The following KIAA0319 variants were observed in gnomAD, a reference collection of about 807,000 sequenced individuals.
KIAA0319 encodes dyslexia-associated protein KIAA0319.
A neutral mutation model predicts 108.4 loss-of-function variants in KIAA0319; 83 were observed. The ratio of observed to expected loss-of-function variants is 0.77; its 90% CI spans 0.64 to 0.92. The LOEUF is 0.92. Among genes scored for constraint, KIAA0319 ranks in the 40% least tolerant of loss-of-function variants. The pLI, the probability that KIAA0319 is intolerant of heterozygous loss-of-function variation, is 0.00. For synonymous variants in KIAA0319, 484 were observed against 510.4 expected (o/e 0.95, Z 0.70); for missense variants, 1,195 against 1,322.4 (o/e 0.90, Z 1.49).
chr6:24,544,031 A>C (rs2127395405), downstream of KIAA0319: 1 of 152,388 alleles, frequency 6.6e-6, no homozygotes, highest in East Asian at 1.9e-4. Flanking sequence ...CTTTGCAGAC[A>C]GTCCCTGTCA....
intron 6 of KIAA0319, 126 bp downstream of exon 6, chr6:24,582,123 G>A: frequency 3.3e-6 from 2 of 597,168 alleles, no homozygotes; most frequent in East Asian, 6.0e-5. Flanking sequence ...TCCAGCCTGG[G>A]CAACAGAGCA....
In KIAA0319 at chr6:24,583,620, C is replaced by A. The variant is rs141996892; in HGVS notation, c.1077G>T (p.Ala359=). ...DNEVELKAFV[A]PAPPVETTYN... is the part of the protein sequence containing the mutation. The stretch of plus-strand genomic sequence containing the variant: ...AACTCTCACCTACAGGTGGCGCTGG[C>A]GCAACAAAGGCCTTCAGTTCAACTT... The change falls in exon 5 of 21, where the codon GCG becomes GCT. Residue 359 remains alanine (A), a synonymous_variant. Transcript: ENST00000378214. 1.2e-6 allele frequency: 2 copies of A among 1,612,796 alleles called. No individual in the cohort carries two copies. Among genetic ancestry groups the A allele is most frequent in the South Asian group, 2.2e-5 (2 of 91,000 alleles).
chr6:24,644,698 C>G (rs1453844364), intron 1 of KIAA0319, among the ~76,000 whole-genome samples: 2 of 151,192 alleles, frequency 1.3e-5, no homozygotes, highest in Admixed American at 6.6e-5. Context: ...ATTTTTAATT[C>G]ATAAAGATTT....
chr6:24,574,944 G>A (rs1269851860), intron 10 of KIAA0319, among the ~76,000 whole-genome samples: 1 of 152,234 alleles, frequency 6.6e-6, no homozygotes, highest in Non-Finnish European at 1.5e-5. Flanking sequence ...GGAAGGGAAT[G>A]TTGTGGCAAA....
chr6:24,553,766 A>G (rs1385511904), intron 19 of KIAA0319, among the ~76,000 whole-genome samples: 2 of 152,176 alleles, frequency 1.3e-5, no homozygotes, highest in Non-Finnish European at 2.9e-5. Flanking sequence ...AGTCTTCATA[A>G]AAGACCCAAG....
At chr6:24,568,256 C>T (rs929032247) in intron 13 of KIAA0319, among the ~76,000 whole-genome samples, 2 of 152,224 alleles carry the variant, frequency 1.3e-5, no homozygotes, top group African/African-American at 4.8e-5. Flanking sequence ...ATTCATTCAA[C>T]ACCTCTGATT....
intron 1 of KIAA0319, among the ~76,000 whole-genome samples, chr6:24,602,750 G>A (rs983464514): frequency 2.4e-4 from 36 of 152,034 alleles, no homozygotes; most frequent in African/African-American, 7.5e-4. Flanking sequence ...GCAGTGAGCC[G>A]AGATCACGCC....
chr6:24,550,998 A>G (rs535634798), intron 20 of KIAA0319, among the ~76,000 whole-genome samples: 5 of 151,808 alleles, frequency 3.3e-5, no homozygotes, highest in Admixed American at 6.6e-5. Context: ...TTCTTTCTTG[A>G]GACAGAGTCT....
chr6:24,592,829 G>A (rs1768724227), intron 3 of KIAA0319, among the ~76,000 whole-genome samples: 1 of 151,948 alleles, frequency 6.6e-6, no homozygotes, highest in Admixed American at 6.6e-5. Flanking sequence ...AAATTAGCCG[G>A]GTGTGGTGGC....
In KIAA0319 at chr6:24,571,196, G is replaced by GAAAA. The variant is rs376462056; in HGVS notation, c.1859-1165_1859-1162dup. Among the ~76,000 whole-genome samples the GAAAA allele has an allele frequency of 2.1e-5, 3 of 140,330 alleles. No homozygotes were observed. In the East Asian group the frequency reaches 6.2e-4, roughly 29 times the overall value. 92.1% of individuals were successfully genotyped at this position (140,330 alleles called of 152,430 possible). A position where few individuals can be genotyped will look rare whatever the true frequency, so the allele number is the denominator to read the frequency against. ...GACAGAGTGAGACTCTGTCTCGAGGGAAAAAAAAAAAGTATTGCTAATATT... is the reference window on the plus strand; with the variant it reads ...GACAGAGTGAGACTCTGTCTCGAGGGAAAAAAAAAAAAAAAGTATTGCTAATATT... On this transcript the variant is annotated intron_variant, in intron 11 of 20. Transcript: ENST00000378214.
At chr6:24,559,262 A>C in intron 16 of KIAA0319, 107 bp from the exon 17 acceptor site, 1 of 1,270,050 alleles carries the variant, frequency 7.9e-7, no homozygotes, top group Non-Finnish European at 1.1e-6. Flanking sequence ...AGACGGCTAC[A>C]GCTCTGTGGC....
chr6:24,578,962 T>C (rs562024535), intron 8 of KIAA0319, among the ~76,000 whole-genome samples: 1 of 152,320 alleles, frequency 6.6e-6, no homozygotes, highest in South Asian at 2.1e-4. Context: ...GGTGCTAAGA[T>C]GGAAATATGG....
rs756605860 is a variant in KIAA0319, at chr6:24,572,734, A to T, written c.1735-36T>A. ...GCAAATACAAAAATAAAAACAAAAC[A>T]AAACAAAAAAGTAAAGAAGCACAAG... On this transcript the variant is annotated intron_variant, in intron 10 of 20. Transcript: ENST00000378214. 2.8e-5 allele frequency: 44 copies of T among 1,568,212 alleles called. 1 individual carries two copies. Among genetic ancestry groups the T allele is most frequent in the Middle Eastern group, 1.7e-4 (1 of 5,864 alleles).
chr6:24,580,325 C>T (rs1699440902), intron 7 of KIAA0319, among the ~76,000 whole-genome samples: 2 of 148,498 alleles, frequency 1.3e-5, no homozygotes, highest in South Asian at 4.6e-4. Flanking sequence ...CCCCCCACCC[C>T]CCATAACCAT....
At chr6:24,553,310 CACA>C (rs1761826629) in intron 19 of KIAA0319, among the ~76,000 whole-genome samples, 1 of 110,794 alleles carries the variant, frequency 9.0e-6, no homozygotes, top group Non-Finnish European at 1.8e-5. Flanking sequence ...CACACACACA[CACA>C]CACACACACA....
At chr6:24,638,424 A>T (rs986408079) in intron 1 of KIAA0319, among the ~76,000 whole-genome samples, 2 of 152,226 alleles carry the variant, frequency 1.3e-5, no homozygotes, top group East Asian at 3.8e-4. Context: ...AAATGGTCCA[A>T]CAGACATCTC....
intron 11 of KIAA0319, among the ~76,000 whole-genome samples, chr6:24,570,769 C>T (rs1764617857): frequency 6.6e-6 from 1 of 152,040 alleles, no homozygotes; most frequent in Non-Finnish European, 1.5e-5. Flanking sequence ...TGTGAAGAGA[C>T]CTGCTTTATC....
chr6:24,598,852 G>T (rs1056711087), intron 2 of KIAA0319: 9 of 293,446 alleles, frequency 3.1e-5, no homozygotes, highest in African/African-American at 8.7e-5. Flanking sequence ...CTCCAGCCTG[G>T]GTGACAGAGT....
At chr6:24,542,588 C>G (rs1760235212), downstream of KIAA0319, among the ~76,000 whole-genome samples, 1 of 152,126 alleles carries the variant, frequency 6.6e-6, no homozygotes, top group South Asian at 2.1e-4. Context: ...TAGTCCACAC[C>G]TGTAGTCCCA....
Sources: allele counts gnomAD v4.1 joint callset (sites outside exome capture counted in the v4.1 genomes callset), GRCh38; gene constraint gnomAD v4.1.1; transcripts MANE v1.5; gene names NCBI Gene and HGNC (gene_info 2026-07-23, HGNC 2026-07-21).